The following RAPGEFL1 variants were observed in gnomAD, a reference collection of about 807,000 sequenced individuals.
The protein encoded by RAPGEFL1 is rap guanine nucleotide exchange factor-like 1.
In RAPGEFL1, 31 loss-of-function variants were observed where a neutral mutation model predicts 64.4. That is an observed-to-expected ratio of 0.48 (90% CI 0.36 to 0.65). The LOEUF (loss-of-function observed/expected upper bound fraction) is 0.65. Ranked by LOEUF, RAPGEFL1 falls within the 30% of genes least tolerant of loss-of-function variation. The probability of loss-of-function intolerance (pLI) is 0.00; values close to 1 mark genes in which losing one functional copy is unlikely to be tolerated. For missense variants in RAPGEFL1, 682 were observed against 677.4 expected (o/e 1.01, Z -0.08); for synonymous variants, 331 against 274.1 (o/e 1.21, Z -2.05).
At chr17:40,192,288 T>C in intron 11 of RAPGEFL1, 25 bp downstream of exon 11, 2 of 1,610,794 alleles carry the variant, frequency 1.2e-6, no homozygotes, top group Non-Finnish European at 1.7e-6. Flanking sequence ...CTCTTTCTTC[T>C]GCTCTTGGAC....
At chr17:40,177,168 G>T, upstream of RAPGEFL1, 1 of 702,600 alleles carries the variant, frequency 1.4e-6, no homozygotes, top group Non-Finnish European at 2.6e-6. Flanking sequence ...CAATCTGTAG[G>T]CCTGACTTGG....
chr17:40,189,130 A>C, intron 5 of RAPGEFL1, 78 bp from the exon 6 acceptor site: 1 of 1,530,576 alleles, frequency 6.5e-7, no homozygotes, highest in Non-Finnish European at 9.0e-7. Context: ...GGTGGGGAAT[A>C]GAGGCACCCT....
chr17:40,178,472 G>T, intron 1 of RAPGEFL1, 91 bp downstream of exon 1: 1 of 448,616 alleles, frequency 2.2e-6, no homozygotes. Flanking sequence ...CGCCGTGCCG[G>T]GGCTTGGTTA....
chr17:40,187,422 A>T (rs1990112752), intron 4 of RAPGEFL1, among the ~76,000 whole-genome samples: 1 of 152,054 alleles, frequency 6.6e-6, no homozygotes, highest in South Asian at 2.1e-4. Context: ...TTCCAAAGGC[A>T]TCCCTGCTCC....
intron 3 of RAPGEFL1, 60 bp downstream of exon 3, chr17:40,184,409 G>A (rs996645682): frequency 7.0e-7 from 1 of 1,432,706 alleles, no homozygotes; most frequent in Admixed American, 2.1e-5. Context: ...GGGGGCCCCT[G>A]TGAAGGAGCC....
At chr17:40,184,732 C>A in intron 4 of RAPGEFL1, 54 bp downstream of exon 4, 3 of 1,110,386 alleles carry the variant, frequency 2.7e-6, no homozygotes, top group East Asian at 2.6e-5. Context: ...CTGCGTTCCT[C>A]TACTACAGGG....
Position 40,193,606 on chromosome 17 carries a change from T to C in RAPGEFL1, c.1865-58T>C. ...ACAGCCTGATCTTCTGCCCGGTGTG[T>C]GTGTAGAGGAAGAAGGGAAGCTGGG... On this transcript the variant is annotated intron_variant, in intron 14 of 14. Transcript: ENST00000620260. The C allele has an allele frequency of 3.1e-6, 5 of 1,612,746 alleles. No individual in the cohort carries two copies. The Middle Eastern group carries it at 4.9e-4, about 160-fold the overall frequency.
chr17:40,185,869 C>T (rs1328806849), intron 4 of RAPGEFL1, among the ~76,000 whole-genome samples: 1 of 150,462 alleles, frequency 6.6e-6, no homozygotes, highest in African/African-American at 2.5e-5. Context: ...GAGGCTGAGG[C>T]AGGAGAATTG....
At chr17:40,183,907 G>A (rs1460068124) in intron 2 of RAPGEFL1, among the ~76,000 whole-genome samples, 1 of 133,498 alleles carries the variant, frequency 7.5e-6, no homozygotes, top group African/African-American at 2.9e-5. Flanking sequence ...GCAATGGTGC[G>A]ACTTTGGCTC....
chr17:40,194,537 GT>G lies in RAPGEFL1; in HGVS notation c.*750del, dbSNP rs1277632340. 2 of 152,786 alleles carry G rather than the reference GT, an allele frequency of 1.3e-5. No homozygotes were observed. The highest frequency in any genetic ancestry group is 2.4e-5 in the African/African-American group (1 of 41,424). 9.5% of individuals were successfully genotyped at this position (152,786 alleles called of 1,614,324 possible). On this transcript the variant is annotated 3_prime_UTR_variant, in exon 15 of 15. Coordinates refer to ENST00000620260, the MANE Select transcript of RAPGEFL1 (RefSeq NM_016339.6). ...AGGGGTTACCCATCAGCCCTTGCAA[GT>G]CCCCCACTCAGGCCTCTGGAAGGTC...
chr17:40,181,376 A>G lies in RAPGEFL1; in HGVS notation c.521-240A>G, dbSNP rs557718509. 3 of 630,084 alleles carry G rather than the reference A, an allele frequency of 4.8e-6. No individual in the cohort carries two copies. The African/African-American group carries it at 5.4e-5, about 11-fold the overall frequency. The allele number at this position is 630,084 out of a possible 1,614,324, so 39.0% of individuals were successfully genotyped here. On this transcript the variant is annotated intron_variant, in intron 1 of 14. Transcript: ENST00000620260. ...AGAAGTGCACATGGCCATCAAAGGC[A>G]CGCGCCCCCCCCTTCCCTTCAGCTG...
intron 1 of RAPGEFL1, chr17:40,181,152 G>A: frequency 5.4e-6 from 2 of 369,482 alleles, no homozygotes; most frequent in Non-Finnish European, 1.1e-5. Context: ...CACCTGCCTA[G>A]TTAGAACTCA....
intron 4 of RAPGEFL1, among the ~76,000 whole-genome samples, chr17:40,185,221 G>A (rs1226664870): frequency 6.6e-6 from 1 of 152,300 alleles, no homozygotes. Flanking sequence ...AGTGCTGCAG[G>A]AGAAAGAGCC....
intron 12 of RAPGEFL1, 41 bp from the exon 13 acceptor site, chr17:40,192,885 C>T: frequency 6.4e-7 from 1 of 1,560,024 alleles, no homozygotes; most frequent in Non-Finnish European, 8.8e-7. Flanking sequence ...GAACTCCTCT[C>T]TTATCCTTTC....
At chr17:40,180,464 C>T (rs1047220361) in intron 1 of RAPGEFL1, among the ~76,000 whole-genome samples, 2 of 152,138 alleles carry the variant, frequency 1.3e-5, no homozygotes, top group African/African-American at 4.8e-5. Flanking sequence ...GTTCTCAAGT[C>T]ATCCTGGTCT....
chr17:40,188,800 C>A, intron 4 of RAPGEFL1, 66 bp from the exon 5 acceptor site: 1 of 1,269,346 alleles, frequency 7.9e-7, no homozygotes, highest in Non-Finnish European at 1.2e-6. Context: ...CTTGATGTTG[C>A]CTGCTTGGTG....
At chr17:40,184,509 GC>G in intron 3 of RAPGEFL1, 71 bp from the exon 4 acceptor site, 1 of 1,168,450 alleles carries the variant, frequency 8.6e-7, no homozygotes. Context: ...TGGAGACCTT[GC>G]CCGGCCCCTG....
intron 6 of RAPGEFL1, 52 bp from the exon 7 acceptor site, chr17:40,190,382 T>C: frequency 1.3e-6 from 2 of 1,506,966 alleles, no homozygotes; most frequent in Admixed American, 3.3e-5. Context: ...GTGTGGGATG[T>C]GTGAGGGTGC....
chr17:40,193,422 G>GT lies in RAPGEFL1; in HGVS notation c.1864+6dup. ...AATACCGGAGCCGGCCCCTTTGTGA[G>GT]TACCCAGGGTACTGAGAGCAGTACA... On this transcript the variant is annotated splice_donor_region_variant and intron_variant, in intron 14 of 14. Transcript: ENST00000620260. The GT allele has an allele frequency of 6.2e-7, 1 of 1,614,174 alleles. No individual in the cohort carries two copies. Among genetic ancestry groups the GT allele is most frequent in the Non-Finnish European group, 8.5e-7 (1 of 1,180,010 alleles).
Sources: gnomAD v4.1 joint callset for allele counts (sites outside exome capture counted in the v4.1 genomes callset) on GRCh38, gnomAD v4.1.1 for gene constraint, MANE v1.5 for transcripts, NCBI Gene and HGNC (gene_info 2026-07-23, HGNC 2026-07-21) for gene names.